Variants in DNM2 observed in about 807,000 individuals in gnomAD.
The protein encoded by DNM2 is dynamin-2.
A neutral mutation model predicts 99.0 loss-of-function variants in DNM2; 15 were observed. The ratio of observed to expected loss-of-function variants is 0.15; its 90% CI spans 0.10 to 0.23. The LOEUF is 0.23. Ranked by LOEUF, DNM2 falls within the 10% of genes least tolerant of loss-of-function variation. DNM2 has a pLI of 1.00. For missense variants in DNM2, 742 were observed against 1,189.4 expected (o/e 0.62, Z 5.53); for synonymous variants, 525 against 481.2 (o/e 1.09, Z -1.19).
intron 1 of DNM2, among the ~76,000 whole-genome samples, chr19:10,724,763 T>C (rs1418920396): frequency 6.6e-6 from 1 of 152,168 alleles, no homozygotes; most frequent in East Asian, 1.9e-4. Context: ...AGCTGAGGGC[T>C]CTCTCCTTTG....
At chr19:10,753,630 G>A (rs922954898) in intron 1 of DNM2, among the ~76,000 whole-genome samples, 2 of 151,556 alleles carry the variant, frequency 1.3e-5, no homozygotes, top group East Asian at 1.9e-4. Flanking sequence ...ATAAATACAC[G>A]TATTTTATTC....
In DNM2 at chr19:10,831,633, C is replaced by T. The variant is rs2073349800; in HGVS notation, c.*586C>T. The stretch of plus-strand genomic sequence containing the variant: ...GCTGCCAGAGGTGCCTTTGCTAGGC[C>T]CGGAGCCGTTGGCCCGGGCCGGCCT... On this transcript the variant is annotated 3_prime_UTR_variant, in exon 21 of 21. Coordinates refer to ENST00000389253, the MANE Select transcript of DNM2 (RefSeq NM_001005361.3). The surrounding 1 kb of genome is among the most constrained non-coding windows in gnomAD (Gnocchi z 4.3). 5.1e-6 allele frequency: 5 copies of T among 986,040 alleles called. No homozygotes were observed. The highest frequency in any genetic ancestry group is 6.0e-6 in the Non-Finnish European group (5 of 830,252). 61.1% of individuals were successfully genotyped at this position (986,040 alleles called of 1,614,324 possible).
chr19:10,765,799 A>T lies in DNM2; in HGVS notation c.235+5988A>T, dbSNP rs1038993165. Among the ~76,000 whole-genome samples, 2 of 152,140 alleles carry T rather than the reference A, an allele frequency of 1.3e-5. No homozygotes were observed. Among genetic ancestry groups the T allele is most frequent in the Non-Finnish European group, 2.9e-5 (2 of 68,034 alleles). On this transcript the variant is annotated intron_variant, in intron 2 of 20. Transcript: ENST00000389253. The surrounding 1 kb of genome is among the most constrained non-coding windows in gnomAD (Gnocchi z 4.4). Reference sequence around the variant, plus strand: ...GTTGTTCCCCCTGGTCCTGCCTGCCAACAGCAGGTTTGGGAAAGGCAGATC... The same window carrying T: ...GTTGTTCCCCCTGGTCCTGCCTGCCTACAGCAGGTTTGGGAAAGGCAGATC...
intron 19 of DNM2, among the ~76,000 whole-genome samples, chr19:10,829,873 A>T (rs2073272537): frequency 1.3e-5 from 2 of 151,884 alleles, no homozygotes; most frequent in African/African-American, 2.4e-5. Context: ...GATCTGGAGG[A>T]CTCTGGAAGT....
chr19:10,794,988 C>T (rs1325904457), intron 8 of DNM2, among the ~76,000 whole-genome samples: 1 of 152,034 alleles, frequency 6.6e-6, no homozygotes, highest in Non-Finnish European at 1.5e-5. Context: ...GGTGCAATCA[C>T]AGCTCACTGC....
intron 17 of DNM2, 158 bp from the exon 18 acceptor site, chr19:10,824,899 T>C (rs2073092569): frequency 1.7e-5 from 20 of 1,165,906 alleles, no homozygotes; most frequent in Non-Finnish European, 2.3e-5. Flanking sequence ...TTTGGGCAGC[T>C]CTGGCCCAGG....
intron 14 of DNM2, chr19:10,808,821 C>T (rs909674441): frequency 4.4e-6 from 2 of 454,990 alleles, no homozygotes; most frequent in African/African-American, 4.0e-5. Context: ...GCAGCCAGTT[C>T]CTGGCAGGTT....
chr19:10,828,582 C>CAA (rs34919087), intron 18 of DNM2, among the ~76,000 whole-genome samples: 2 of 99,636 alleles, frequency 2.0e-5, no homozygotes, highest in Admixed American at 1.1e-4. Flanking sequence ...GAGACTGTCT[C>CAA]AAAAAAAAAA....
At chr19:10,797,669 A>G in intron 10 of DNM2, 151 bp downstream of exon 10, 2 of 1,251,094 alleles carry the variant, frequency 1.6e-6, no homozygotes, top group South Asian at 2.6e-5. Flanking sequence ...TTGCATTGGC[A>G]GATGGAATGG....
At chr19:10,777,591 C>A (rs1231507376) in intron 5 of DNM2, among the ~76,000 whole-genome samples, 1 of 152,044 alleles carries the variant, frequency 6.6e-6, no homozygotes. Context: ...CTTCCCTTTT[C>A]CTTTTCCTTT....
At chr19:10,776,096 G>T (rs1051468956) in intron 4 of DNM2, among the ~76,000 whole-genome samples, 190 bp downstream of exon 4, 4 of 152,122 alleles carry the variant, frequency 2.6e-5, no homozygotes, top group Non-Finnish European at 5.9e-5. Flanking sequence ...GTCACTGTGT[G>T]GCAGTTGGAC....
intron 1 of DNM2, among the ~76,000 whole-genome samples, chr19:10,733,696 T>G (rs2069417382): frequency 6.6e-6 from 1 of 151,670 alleles, no homozygotes; most frequent in Non-Finnish European, 1.5e-5. Flanking sequence ...TTTGGCAACA[T>G]AACCTCTTCT....
intron 1 of DNM2, among the ~76,000 whole-genome samples, chr19:10,738,605 T>G (rs1156905147): frequency 6.6e-6 from 1 of 152,224 alleles, no homozygotes; most frequent in Non-Finnish European, 1.5e-5. Context: ...CTCACGCCTG[T>G]GATCCCAGCA....
chr19:10,753,059 G>C (rs954291252), intron 1 of DNM2, among the ~76,000 whole-genome samples: 1 of 152,312 alleles, frequency 6.6e-6, no homozygotes, highest in East Asian at 1.9e-4. Context: ...TACAGTTGGA[G>C]GTTGTAGTGA....
rs1321775298 is a variant in DNM2, at chr19:10,765,148, C to T, written c.235+5337C>T. On this transcript the variant is annotated intron_variant, in intron 2 of 20. Transcript: ENST00000389253. The surrounding 1 kb of genome is among the most constrained non-coding windows in gnomAD (Gnocchi z 4.4). ...AATTTTTTTGTATGCTTAGTAGAGA[C>T]GGGGTTTCACCGTGTTAGCCAGGAT... Among the ~76,000 whole-genome samples, 2 of 151,698 alleles carry T rather than the reference C, an allele frequency of 1.3e-5. No homozygotes were observed. Among genetic ancestry groups the T allele is most frequent in the Admixed American group, 6.6e-5 (1 of 15,216 alleles).
In DNM2 at chr19:10,823,834, C is replaced by G; in HGVS notation, c.1828C>G (p.Gln610Glu). The change falls in exon 17 of 21, where the codon CAG becomes GAG. Residue 610 changes from glutamine to glutamate, a missense_variant. By Grantham distance (29) the Gln-to-Glu change is conservative. Coordinates refer to ENST00000389253, the MANE Select transcript of DNM2 (RefSeq NM_001005361.3). ...LRQIELACDS[Q>E]EDVDSWKASF... ...GCAGATCGAGCTGGCCTGTGACTCC[C>G]AGGAAGACGTGGACAGCTGGAAGGC... is the stretch of plus-strand genomic sequence containing the variant. 1 of 1,613,896 alleles carries G rather than the reference C, an allele frequency of 6.2e-7. No homozygotes were observed. Among genetic ancestry groups the G allele is most frequent in the Non-Finnish European group, 8.5e-7 (1 of 1,180,022 alleles).
chr19:10,745,836 G>A (rs1342950771), intron 1 of DNM2, among the ~76,000 whole-genome samples: 1 of 152,230 alleles, frequency 6.6e-6, no homozygotes, highest in East Asian at 1.9e-4. Context: ...TCTGAGTTGA[G>A]TCCCTGGTAA....
chr19:10,726,767 G>T (rs1315956991), intron 1 of DNM2, among the ~76,000 whole-genome samples: 1 of 152,198 alleles, frequency 6.6e-6, no homozygotes, highest in Admixed American at 6.5e-5. Flanking sequence ...GGGAGGCTGA[G>T]GCGGAGAATC....
Position 10,802,182 on chromosome 19 carries a change from C to T in DNM2, c.1423-106C>T. 4.9e-6 allele frequency: 6 copies of T among 1,224,816 alleles called. No individual in the cohort carries two copies. In the Admixed American group the frequency reaches 1.0e-4, roughly 21 times the overall value. 75.9% of individuals were successfully genotyped at this position (1,224,816 alleles called of 1,614,324 possible). On this transcript the variant is annotated intron_variant, in intron 11 of 20. Transcript: ENST00000389253. ...CCTGTTCTCCTGTCTGGGAAGCCTC[C>T]TGGTTCCCACGCCTTCCCTGCTGGC...
Sources: gnomAD v4.1 joint callset for allele counts (sites outside exome capture counted in the v4.1 genomes callset) on GRCh38, gnomAD v4.1.1 for gene constraint, Gnocchi (gnomAD v3.1) non-coding constraint, MANE v1.5 for transcripts, NCBI Gene and HGNC (gene_info 2026-07-23, HGNC 2026-07-21) for gene names.